NPSR1: variants seen among roughly 807,000 people sequenced by gnomAD.
NPSR1 encodes neuropeptide S receptor.
Under a neutral mutation model 46.9 loss-of-function variants are expected in NPSR1, and 48 were observed. The observed-to-expected ratio is 1.02, with a 90% CI of 0.81 to 1.30. The LOEUF is 1.30. NPSR1 is among the 50% of genes most tolerant of loss of function. NPSR1 has a pLI of 0.00. For missense variants in NPSR1, 450 were observed against 449.5 expected, an observed-to-expected ratio of 1.00 and a Z score of -0.01; for synonymous variants, 176 against 168.1, an observed-to-expected ratio of 1.05 and a Z score of -0.36.
At chr7:34,677,313 G>T (rs1792369315) in intron 1 of NPSR1, among the ~76,000 whole-genome samples, 1 of 152,132 alleles carries the variant, frequency 6.6e-6, no homozygotes, top group South Asian at 2.1e-4. Flanking sequence ...CAATGCCGAC[G>T]CTCTATGTGA....
At chr7:34,785,878 T>C (rs1787443933) in intron 3 of NPSR1, among the ~76,000 whole-genome samples, 1 of 152,180 alleles carries the variant, frequency 6.6e-6, no homozygotes, top group South Asian at 2.1e-4. Context: ...AAATACTTAA[T>C]GGCTAAAATA....
chr7:34,857,324 G>GA (rs1410595477), intron 8 of NPSR1, among the ~76,000 whole-genome samples: 1 of 151,414 alleles, frequency 6.6e-6, no homozygotes, highest in Non-Finnish European at 1.5e-5. Context: ...GACTAAAAAG[G>GA]AAAAAAATGG....
Position 34,731,230 on chromosome 7 carries a change from C to T in NPSR1, c.280+46546C>T, listed in dbSNP as rs868013381. The stretch of plus-strand genomic sequence containing the variant: ...ATACTCACTAAAAAAGGACTTTCTA[C>T]AAATCAATAAGTAGAAGATAAATAC... On this transcript the variant is annotated intron_variant, in intron 2 of 8. Coordinates refer to ENST00000360581, the MANE Select transcript of NPSR1 (RefSeq NM_207172.2). Among the ~76,000 whole-genome samples, 6 of 151,682 alleles carry T rather than the reference C, an allele frequency of 4.0e-5. No individual in the cohort carries two copies. In the South Asian group the frequency reaches 1.2e-3, roughly 32 times the overall value.
intron 6 of NPSR1, among the ~76,000 whole-genome samples, chr7:34,843,319 C>T (rs578153246): frequency 1.1e-4 from 17 of 152,292 alleles, no homozygotes; most frequent in African/African-American, 2.2e-4. Context: ...AAACAGAGGG[C>T]GAAAGCGAGC....
chr7:34,821,774 T>C (rs1191356045), intron 4 of NPSR1, among the ~76,000 whole-genome samples: 2 of 152,218 alleles, frequency 1.3e-5, no homozygotes, highest in Non-Finnish European at 1.5e-5. Context: ...ATTAATATTA[T>C]AGTGCTTTTC....
intron 3 of NPSR1, among the ~76,000 whole-genome samples, chr7:34,790,913 A>G (rs1166446170): frequency 3.0e-5 from 4 of 133,012 alleles, no homozygotes; most frequent in Non-Finnish European, 6.1e-5. Flanking sequence ...GTTATATTAT[A>G]TATCATATAT....
At position 34,694,304 on chromosome 7, in the gene NPSR1, A is replaced by C. The variant is rs1793407445; in HGVS notation, c.280+9620A>C. ...CTAGACTTAACAAACAACTTCAATAAATTTTCAGGATACAAAATCAACATA... is the reference window on the plus strand; with the variant it reads ...CTAGACTTAACAAACAACTTCAATACATTTTCAGGATACAAAATCAACATA... On this transcript the variant is annotated intron_variant, in intron 2 of 8. Coordinates refer to ENST00000360581, the MANE Select transcript of NPSR1 (RefSeq NM_207172.2). 2.0e-5 allele frequency among the ~76,000 whole-genome samples: 3 copies of C among 152,304 alleles called. No individual in the cohort carries two copies. The South Asian group carries it at 6.2e-4, about 32-fold the overall frequency.
chr7:34,754,931 G>T (rs1785742654), intron 2 of NPSR1, among the ~76,000 whole-genome samples: 1 of 151,926 alleles, frequency 6.6e-6, no homozygotes, highest in Non-Finnish European at 1.5e-5. Flanking sequence ...CACTTTCAAG[G>T]TTCATTTTTG....
At position 34,790,965 on chromosome 7, in the gene NPSR1, T is replaced by G. The variant is rs1386513721; in HGVS notation, c.384+12400T>G. On this transcript the variant is annotated intron_variant, in intron 3 of 8. Transcript: ENST00000360581. ...TATATCATATATGTTATATGTTATA[T>G]TATATATGTTATATGTTATATTATA... is the stretch of plus-strand genomic sequence containing the variant. Among the ~76,000 whole-genome samples the G allele has an allele frequency of 3.2e-5, 3 of 93,802 alleles. No individual in the cohort carries two copies. The East Asian group carries it at 1.2e-3, about 37-fold the overall frequency. The allele number at this position is 93,802 out of a possible 152,430, so 61.5% of individuals were successfully genotyped here. A position where few individuals can be genotyped will look rare whatever the true frequency, so the allele number is the denominator to read the frequency against.
intron 2 of NPSR1, among the ~76,000 whole-genome samples, chr7:34,757,766 A>G (rs1785942036): frequency 1.3e-5 from 2 of 152,130 alleles, no homozygotes; most frequent in South Asian, 4.1e-4. Context: ...CTGTTCTGCT[A>G]GTCTGCTCCG....
intron 2 of NPSR1, among the ~76,000 whole-genome samples, chr7:34,775,100 T>A (rs1398606076): frequency 6.6e-6 from 1 of 152,224 alleles, no homozygotes; most frequent in Non-Finnish European, 1.5e-5. Context: ...GTCCTACCAA[T>A]GCCTCTAATG....
At chr7:34,842,663 G>A (rs541280845) in intron 6 of NPSR1, among the ~76,000 whole-genome samples, 1 of 152,358 alleles carries the variant, frequency 6.6e-6, no homozygotes, top group Admixed American at 6.5e-5. Flanking sequence ...TGGCCTTACA[G>A]GGTATGCTTT....
chr7:34,878,263 G>A, exon 9 of NPSR1: 2 of 812,578 alleles, frequency 2.5e-6, no homozygotes, highest in Non-Finnish European at 4.1e-6. Flanking sequence ...GGACACCAGT[G>A]GTTCCCAAAA....
At chr7:34,725,142 C>A (rs986894875) in intron 2 of NPSR1, among the ~76,000 whole-genome samples, 2 of 151,602 alleles carry the variant, frequency 1.3e-5, no homozygotes, top group African/African-American at 4.8e-5. Context: ...CACACACACT[C>A]ACACACACAC....
At chr7:34,741,091 CT>C (rs1562693575) in intron 2 of NPSR1, among the ~76,000 whole-genome samples, 2 of 152,236 alleles carry the variant, frequency 1.3e-5, no homozygotes, top group Middle Eastern at 3.4e-3. Context: ...CAAGTCATTT[CT>C]TTTTTGTTAC....
At chr7:34,729,515 A>G (rs954999928) in intron 2 of NPSR1, among the ~76,000 whole-genome samples, 1 of 152,172 alleles carries the variant, frequency 6.6e-6, no homozygotes, top group South Asian at 2.1e-4. Context: ...TAAGGAAACA[A>G]CATAATAAAA....
intron 1 of NPSR1, among the ~76,000 whole-genome samples, chr7:34,666,552 A>G (rs1791760922): frequency 6.6e-6 from 1 of 152,066 alleles, no homozygotes; most frequent in African/African-American, 2.4e-5. Flanking sequence ...TGACCACAGG[A>G]AAAAAAAGCC....
intron 2 of NPSR1, among the ~76,000 whole-genome samples, chr7:34,760,510 T>A (rs1786117803): frequency 6.6e-6 from 1 of 152,196 alleles, no homozygotes; most frequent in South Asian, 2.1e-4. Flanking sequence ...ACAGTCGGGC[T>A]CCAGTAGCCA....
chr7:34,873,286 A>G (rs1034274489), intron 8 of NPSR1, among the ~76,000 whole-genome samples: 5 of 151,520 alleles, frequency 3.3e-5, no homozygotes, highest in African/African-American at 9.8e-5. Context: ...AATTCTTCCA[A>G]TCTCTGCCCA....
Sources: allele counts gnomAD v4.1 joint callset (sites outside exome capture counted in the v4.1 genomes callset), GRCh38; gene constraint gnomAD v4.1.1; transcripts MANE v1.5; gene names NCBI Gene and HGNC (gene_info 2026-07-23, HGNC 2026-07-21).